Variants in TMEM71 observed in about 807,000 individuals in gnomAD.
TMEM71 encodes transmembrane protein 71.
TMEM71 carries 44 observed loss-of-function variants against 38.0 expected under a neutral mutation model. The observed-to-expected ratio is 1.16, with a 90% CI of 0.91 to 1.49. The LOEUF is 1.49. TMEM71 is among the 40% of genes most tolerant of loss of function. The pLI is 0.00. For missense variants in TMEM71, 367 were observed against 348.6 expected (o/e 1.05, Z -0.42); for synonymous variants, 133 against 122.5 (o/e 1.09, Z -0.56).
chr8:132,711,036 A>T, intron 9 of TMEM71, 54 bp from the exon 10 acceptor site: 2 of 1,565,604 alleles, frequency 1.3e-6, no homozygotes, highest in Non-Finnish European at 1.7e-6. Flanking sequence ...TGCACAGGAA[A>T]TGCAGTATCT....
chr8:132,751,901 T>C lies in TMEM71; in HGVS notation c.198A>G (p.Arg66=). The part of the protein sequence containing the change: ...GSHYTCRRSP[R]LLTNGYYIWT... ...AAATATAGTAGCCATTGGTGAGGAGTCTGGGACTTCGGCGACAGGTATAGT... is the reference window on the plus strand; with the variant it reads ...AAATATAGTAGCCATTGGTGAGGAGCCTGGGACTTCGGCGACAGGTATAGT... Residue 66 remains arginine (R), a synonymous_variant, in exon 4 of 10, where the codon AGA becomes AGG. Transcript: ENST00000677595. 1.2e-6 allele frequency: 2 copies of C among 1,613,804 alleles called. No individual in the cohort carries two copies. The highest frequency in any genetic ancestry group is 1.7e-6 in the Non-Finnish European group (2 of 1,179,978).
intron 3 of TMEM71, among the ~76,000 whole-genome samples, chr8:132,755,647 T>C (rs915086561): frequency 3.3e-5 from 5 of 152,210 alleles, no homozygotes; most frequent in African/African-American, 1.2e-4. Flanking sequence ...TTACAGAAGG[T>C]CTCTCATCCT....
chr8:132,728,033 T>C (rs756899874), intron 5 of TMEM71, 47 bp from the exon 6 acceptor site: 2 of 1,406,388 alleles, frequency 1.4e-6, no homozygotes, highest in South Asian at 1.3e-5. Context: ...TGTGTGTGTG[T>C]GTGTGTGTGT....
intron 5 of TMEM71, among the ~76,000 whole-genome samples, chr8:132,729,431 T>C (rs1827328483): frequency 6.6e-6 from 1 of 152,216 alleles, no homozygotes; most frequent in Admixed American, 6.5e-5. Flanking sequence ...TTTACTCTTA[T>C]GATCTTGGGT....
At chr8:132,740,101 G>A (rs905743432) in intron 5 of TMEM71, among the ~76,000 whole-genome samples, 1 of 152,188 alleles carries the variant, frequency 6.6e-6, no homozygotes, top group African/African-American at 2.4e-5. Context: ...TCCACTCAGA[G>A]TATGAAAGCA....
chr8:132,745,006 T>C (rs914493264), intron 5 of TMEM71, among the ~76,000 whole-genome samples: 2 of 152,184 alleles, frequency 1.3e-5, no homozygotes, highest in Non-Finnish European at 2.9e-5. Flanking sequence ...CCTTTCACCA[T>C]ATACAAAAAT....
chr8:132,721,601 C>A (rs1826851733), intron 7 of TMEM71, among the ~76,000 whole-genome samples: 1 of 147,740 alleles, frequency 6.8e-6, no homozygotes, highest in Non-Finnish European at 1.5e-5. Context: ...GGCTGGAGTG[C>A]AATGGCGGGA....
chr8:132,732,908 A>G (rs868181482), intron 5 of TMEM71, among the ~76,000 whole-genome samples: 1 of 152,136 alleles, frequency 6.6e-6, no homozygotes, highest in African/African-American at 2.4e-5. Context: ...CCTGCCCACG[A>G]TACTGTGATG....
At chr8:132,769,898 A>C in the TMEM71 span, among the ~76,000 whole-genome samples, 1 of 152,366 alleles carries the variant, frequency 6.6e-6, no homozygotes, top group South Asian at 2.1e-4. Context: ...TGAATATTGC[A>C]TGCATGCATG....
the TMEM71 span, among the ~76,000 whole-genome samples, chr8:132,766,518 A>G: frequency 1.1e-4 from 17 of 152,288 alleles, no homozygotes; most frequent in African/African-American, 4.1e-4. Flanking sequence ...TGCTGTATTC[A>G]GCTAGGCACG....
At chr8:132,743,050 A>G (rs1446009303) in intron 5 of TMEM71, among the ~76,000 whole-genome samples, 1 of 152,126 alleles carries the variant, frequency 6.6e-6, no homozygotes, top group Non-Finnish European at 1.5e-5. Flanking sequence ...ACCTGCCCCC[A>G]TGATTCAATT....
chr8:132,725,182 C>T (rs1006750554), intron 6 of TMEM71, among the ~76,000 whole-genome samples: 4 of 152,088 alleles, frequency 2.6e-5, no homozygotes, highest in Admixed American at 2.6e-4. Context: ...GAAATTCAGG[C>T]ATGCACCACT....
At chr8:132,761,432 A>G (rs1187884100), upstream of TMEM71, among the ~76,000 whole-genome samples, 1 of 152,236 alleles carries the variant, frequency 6.6e-6, no homozygotes, top group African/African-American at 2.4e-5. Context: ...ACAGATGTGC[A>G]AGGTGTATTC....
intron 2 of TMEM71, 171 bp downstream of exon 2, chr8:132,758,669 G>T: frequency 3.5e-6 from 2 of 574,554 alleles, no homozygotes; most frequent in South Asian, 4.5e-5. Flanking sequence ...TTCTTTCAAG[G>T]AAAAAAATGA....
At chr8:132,760,890 T>A (rs886201745), upstream of TMEM71, among the ~76,000 whole-genome samples, 5 of 152,204 alleles carry the variant, frequency 3.3e-5, no homozygotes, top group Non-Finnish European at 5.9e-5. Flanking sequence ...TTCTTGCTCA[T>A]CATATGGCCA....
chr8:132,744,485 A>G lies in TMEM71; in HGVS notation c.487+2457T>C, dbSNP rs1484536573. On this transcript the variant is annotated intron_variant, in intron 5 of 9. Transcript: ENST00000677595. ...GAATACCTCTAACCAAGGACATAAA[A>G]GATCTCAACAAGAAGAACTACAAAG... Among the ~76,000 whole-genome samples, 4 of 152,230 alleles carry G rather than the reference A, an allele frequency of 2.6e-5. No homozygotes were observed. The East Asian group carries it at 5.8e-4, about 22-fold the overall frequency.
chr8:132,721,709 G>T (rs1317943794), intron 7 of TMEM71, among the ~76,000 whole-genome samples: 2 of 151,894 alleles, frequency 1.3e-5, no homozygotes, highest in Non-Finnish European at 2.9e-5. Flanking sequence ...ACCACGCCTG[G>T]CTAATTTCAT....
chr8:132,716,293 C>G (rs1287831287), intron 7 of TMEM71, among the ~76,000 whole-genome samples: 16 of 152,336 alleles, frequency 1.1e-4, no homozygotes. Context: ...TGACCAGACC[C>G]CACATTTGTT....
Position 132,727,797 on chromosome 8 carries a change from C to T in TMEM71, c.676+1G>A, listed in dbSNP as rs375706113. ...CAAATATTTAAAACACCTGAACTCA[C>T]CTGAATGATCCGAACTATTCTCTTG... is the stretch of plus-strand genomic sequence containing the variant. On this transcript the variant is annotated splice_donor_variant, in intron 6 of 9. Coordinates refer to ENST00000677595, the MANE Select transcript of TMEM71 (RefSeq NM_001382403.1). LOFTEE classifies it high-confidence loss of function. The T allele has an allele frequency of 1.2e-6, 2 of 1,602,778 alleles. No individual in the cohort carries two copies. Among genetic ancestry groups the T allele is most frequent in the African/African-American group, 2.7e-5 (2 of 74,494 alleles).
Sources: gnomAD v4.1 joint callset for allele counts (sites outside exome capture counted in the v4.1 genomes callset) on GRCh38, gnomAD v4.1.1 for gene constraint, MANE v1.5 for transcripts, NCBI Gene and HGNC (gene_info 2026-07-23, HGNC 2026-07-21) for gene names.